Variants in ENTREP2 observed in about 807,000 individuals in gnomAD.
ENTREP2 encodes endosomal transmembrane epsin interactor 2.
At chr15:29,667,212 G>A in the ENTREP2 span, among the ~76,000 whole-genome samples, 1 of 149,604 alleles carries the variant, frequency 6.7e-6, no homozygotes, top group Non-Finnish European at 1.5e-5. Context: ...TTTTGAGGCA[G>A]AGTCTCACTC....
chr15:29,172,185 C>G, the ENTREP2 span, among the ~76,000 whole-genome samples: 1 of 152,154 alleles, frequency 6.6e-6, no homozygotes, highest in South Asian at 2.1e-4. Context: ...CCAAAATCCA[C>G]ACAGTCTTAA....
the ENTREP2 span, among the ~76,000 whole-genome samples, chr15:29,575,380 A>G: frequency 1.3e-5 from 2 of 152,196 alleles, no homozygotes; most frequent in South Asian, 2.1e-4. Flanking sequence ...GACATTTATG[A>G]AAGACCCACC....
chr15:29,333,815 C>CA, the ENTREP2 span, among the ~76,000 whole-genome samples: 2 of 151,966 alleles, frequency 1.3e-5, no homozygotes, highest in African/African-American at 4.8e-5. Flanking sequence ...AAGATGAGGT[C>CA]ATATGACAGT....
At chr15:29,314,726 T>C in the ENTREP2 span, among the ~76,000 whole-genome samples, 1 of 152,232 alleles carries the variant, frequency 6.6e-6, no homozygotes, top group African/African-American at 2.4e-5. Context: ...AAATCAATAA[T>C]GTTTATCCAT....
chr15:29,118,609 C>G, the ENTREP2 span, among the ~76,000 whole-genome samples: 2 of 152,192 alleles, frequency 1.3e-5, no homozygotes, highest in East Asian at 3.9e-4. Context: ...GAGACACGTC[C>G]GCAGAGCACT....
At chr15:29,655,025 G>C in the ENTREP2 span, among the ~76,000 whole-genome samples, 1 of 152,120 alleles carries the variant, frequency 6.6e-6, no homozygotes, top group Non-Finnish European at 1.5e-5. Context: ...CAAATGATTT[G>C]TAAACAGCTT....
At chr15:29,490,192 T>C in the ENTREP2 span, among the ~76,000 whole-genome samples, 16 of 152,000 alleles carry the variant, frequency 1.1e-4, no homozygotes, top group Non-Finnish European at 1.8e-4. Flanking sequence ...GCATCTGGAG[T>C]CGTTAGTTCC....
the ENTREP2 span, among the ~76,000 whole-genome samples, chr15:29,503,374 T>G: frequency 6.6e-6 from 1 of 152,274 alleles, no homozygotes; most frequent in South Asian, 2.1e-4. Context: ...TTATGTGAAA[T>G]GTCCAGAAGA....
At chr15:29,546,946 A>C in the ENTREP2 span, among the ~76,000 whole-genome samples, 1 of 151,390 alleles carries the variant, frequency 6.6e-6, no homozygotes, top group Non-Finnish European at 1.5e-5. Context: ...AAAGATAGAA[A>C]ATTTTAATAA....
chr15:29,235,234 C>T, the ENTREP2 span: 3 of 537,672 alleles, frequency 5.6e-6, no homozygotes, highest in Admixed American at 1.0e-4. Flanking sequence ...CATTATAGAA[C>T]ATTTAAAAAA....
the ENTREP2 span, among the ~76,000 whole-genome samples, chr15:29,326,951 T>C: frequency 2.0e-4 from 31 of 152,090 alleles, no homozygotes; most frequent in East Asian, 5.8e-3. Flanking sequence ...ACAAAGTCAT[T>C]CAATGGAAAA....
At chr15:29,298,864 G>C in the ENTREP2 span, among the ~76,000 whole-genome samples, 1 of 151,086 alleles carries the variant, frequency 6.6e-6, no homozygotes, top group Non-Finnish European at 1.5e-5. Flanking sequence ...GTTTTCTAAA[G>C]GCAGCATAAT....
the ENTREP2 span, among the ~76,000 whole-genome samples, chr15:29,421,105 C>G: frequency 6.6e-6 from 1 of 152,054 alleles, no homozygotes; most frequent in Non-Finnish European, 1.5e-5. Flanking sequence ...GAAAATGAGT[C>G]CTGGAGAAGA....
chr15:29,479,822 G>A, the ENTREP2 span, among the ~76,000 whole-genome samples: 917 of 152,258 alleles, frequency 6.0e-3, 11 homozygotes, highest in African/African-American at 0.019. Flanking sequence ...TGGGCTGAAG[G>A]TGAGAGAAAG....
chr15:29,201,254 T>A, the ENTREP2 span, among the ~76,000 whole-genome samples: 21 of 152,236 alleles, frequency 1.4e-4, no homozygotes, highest in African/African-American at 5.1e-4. Flanking sequence ...CTAATCTTTA[T>A]GCCTTTTATT....
the ENTREP2 span, among the ~76,000 whole-genome samples, chr15:29,664,536 G>A: frequency 6.6e-6 from 1 of 151,942 alleles, no homozygotes; most frequent in Non-Finnish European, 1.5e-5. Context: ...GAAGCCGCGT[G>A]TGGAAGATGG....
At chr15:29,258,530 A>G in the ENTREP2 span, among the ~76,000 whole-genome samples, 1 of 152,094 alleles carries the variant, frequency 6.6e-6, no homozygotes, top group African/African-American at 2.4e-5. Context: ...TATCCATAAT[A>G]AAAACGTACT....
At chr15:29,168,153 A>G in the ENTREP2 span, among the ~76,000 whole-genome samples, 77,687 of 151,948 alleles carry the variant, frequency 0.51, 20,644 homozygotes, top group East Asian at 0.7. Context: ...ATGATACAAA[A>G]GCATAAGAAT....
the ENTREP2 span, among the ~76,000 whole-genome samples, chr15:29,411,152 GT>G: frequency 6.6e-6 from 1 of 152,146 alleles, no homozygotes; most frequent in Non-Finnish European, 1.5e-5. Context: ...TTGCTATCAT[GT>G]ACTATTCGTT....
Sources: allele counts gnomAD v4.1 joint callset (sites outside exome capture counted in the v4.1 genomes callset), GRCh38; gene constraint gnomAD v4.1.1; transcripts MANE v1.5; gene names NCBI Gene and HGNC (gene_info 2026-07-23, HGNC 2026-07-21).